The following IRAG1 variants were observed in gnomAD, a reference collection of about 807,000 sequenced individuals.
IRAG1 encodes the protein IP3R-associated cGMP kinase substrate.
A neutral mutation model predicts 106.2 loss-of-function variants in IRAG1; 62 were observed. That is an observed-to-expected ratio of 0.58 (90% CI 0.48 to 0.72). IRAG1 has a LOEUF of 0.72. Among genes scored for constraint, IRAG1 ranks in the 30% least tolerant of loss-of-function variants. The pLI is 0.00. For synonymous variants in IRAG1, 462 were observed against 443.9 expected (o/e 1.04, Z -0.51); for missense variants, 1,064 against 1,140.7 (o/e 0.93, Z 0.97).
At chr11:10,643,531 A>G (rs962369032) in intron 2 of IRAG1, among the ~76,000 whole-genome samples, 1 of 152,218 alleles carries the variant, frequency 6.6e-6, no homozygotes, top group African/African-American at 2.4e-5. Context: ...AGCACACAAT[A>G]TATGTTAGCT....
intron 1 of IRAG1, among the ~76,000 whole-genome samples, chr11:10,684,944 C>T (rs77820608): frequency 0.015 from 2,269 of 152,264 alleles, 58 homozygotes; most frequent in African/African-American, 0.051. Flanking sequence ...AAAGGCTTGT[C>T]CAAACTTCCC....
At chr11:10,635,314 C>T (rs771431805) in intron 2 of IRAG1, among the ~76,000 whole-genome samples, 28 of 152,226 alleles carry the variant, frequency 1.8e-4, no homozygotes, top group Non-Finnish European at 2.8e-4. Context: ...CCACTGCTCC[C>T]TCTGTGAGCA....
At chr11:10,581,344 G>C (rs1447969200) in intron 19 of IRAG1, among the ~76,000 whole-genome samples, 2 of 152,156 alleles carry the variant, frequency 1.3e-5, no homozygotes, top group Non-Finnish European at 1.5e-5. Flanking sequence ...CTACCTTGAG[G>C]CTTGGTACCT....
At chr11:10,686,000 T>A (rs1226028832) in intron 1 of IRAG1, among the ~76,000 whole-genome samples, 1 of 152,008 alleles carries the variant, frequency 6.6e-6, no homozygotes, top group African/African-American at 2.4e-5. Flanking sequence ...ACAAGAAAGA[T>A]GTCTTAGGTA....
intron 15 of IRAG1, among the ~76,000 whole-genome samples, chr11:10,594,910 A>G (rs1853109285): frequency 6.6e-6 from 1 of 152,078 alleles, no homozygotes. Context: ...ACATAGCCGT[A>G]TGTGTTTTTT....
intron 13 of IRAG1, among the ~76,000 whole-genome samples, chr11:10,603,607 G>A (rs1282203051): frequency 4.0e-5 from 6 of 151,828 alleles, no homozygotes; most frequent in African/African-American, 7.3e-5. Flanking sequence ...ACCGGTTTGC[G>A]GCCTGGCCCA....
intron 16 of IRAG1, 87 bp downstream of exon 16, chr11:10,594,059 A>G: frequency 7.9e-7 from 1 of 1,270,792 alleles, no homozygotes; most frequent in Non-Finnish European, 1.1e-6. Context: ...GCATCCATGG[A>G]TCCCAGAATG....
At chr11:10,603,784 A>G (rs1442332357) in intron 13 of IRAG1, among the ~76,000 whole-genome samples, 6 of 151,958 alleles carry the variant, frequency 3.9e-5, no homozygotes, top group Admixed American at 1.3e-4. Context: ...CTCTTATAAA[A>G]GGGACCCCAG....
At chr11:10,610,962 C>G (rs138463088) in intron 10 of IRAG1, among the ~76,000 whole-genome samples, 5 of 152,324 alleles carry the variant, frequency 3.3e-5, no homozygotes, top group African/African-American at 1.2e-4. Context: ...TTTCCAGGAT[C>G]CTAGGCTAGG....
chr11:10,681,442 G>C (rs1463886124), intron 1 of IRAG1, among the ~76,000 whole-genome samples: 1 of 152,168 alleles, frequency 6.6e-6, no homozygotes, highest in Non-Finnish European at 1.5e-5. Context: ...TGTCACCAAA[G>C]GACTTGAATG....
intron 10 of IRAG1, among the ~76,000 whole-genome samples, chr11:10,621,779 A>G (rs1159094593): frequency 2.0e-5 from 3 of 152,230 alleles, no homozygotes; most frequent in Non-Finnish European, 4.4e-5. Flanking sequence ...TTATTAATTA[A>G]GATTGAATTA....
In IRAG1 at chr11:10,654,608, A is replaced by G. The variant is rs1402169274; in HGVS notation, c.68-2426T>C. Among the ~76,000 whole-genome samples, 4 of 152,364 alleles carry G rather than the reference A, an allele frequency of 2.6e-5. No homozygotes were observed. In the South Asian group the frequency reaches 8.3e-4, roughly 32 times the overall value. ...AAGATAATCTTGGCCTTCAAGGAAC[A>G]TAGAGCCCAGTGGTAGGAGACGCTG... On this transcript the variant is annotated intron_variant, in intron 1 of 20. Coordinates refer to ENST00000423302, the MANE Select transcript of IRAG1 (RefSeq NM_130385.4).
In IRAG1 at chr11:10,658,192, C is replaced by T. The variant is rs374760425; in HGVS notation, c.68-6010G>A. ...CCTGGCCAACTGCAGAGCTGGGTTC[C>T]GCGACTCCACAAGTGAGCCGGATGG... is the stretch of plus-strand genomic sequence containing the variant. On this transcript the variant is annotated intron_variant, in intron 1 of 20. Coordinates refer to ENST00000423302, the MANE Select transcript of IRAG1 (RefSeq NM_130385.4). Among the ~76,000 whole-genome samples the T allele has an allele frequency of 2.4e-3, 371 of 152,290 alleles. 16 individuals carry two copies. In the South Asian group the frequency reaches 0.069, roughly 28 times the overall value.
chr11:10,645,944 G>T (rs1857906684), intron 2 of IRAG1, among the ~76,000 whole-genome samples: 1 of 152,178 alleles, frequency 6.6e-6, no homozygotes, highest in Non-Finnish European at 1.5e-5. Context: ...CTCCATAAAG[G>T]TTAGCTGTTG....
At position 10,574,327 on chromosome 11, in the gene IRAG1, G is replaced by A. The variant is rs1187448502; in HGVS notation, c.*2005C>T. The A allele has an allele frequency of 1.3e-5, 2 of 152,164 alleles. No individual in the cohort carries two copies. The highest frequency in any genetic ancestry group is 6.5e-5 in the Admixed American group (1 of 15,270). 9.4% of individuals were successfully genotyped at this position (152,164 alleles called of 1,614,324 possible). ...CAGGCTGCTCTCCACCACCTTAAAT[G>A]TTTGCTTGTTCTTTTGAGCAACATT... On this transcript the variant is annotated 3_prime_UTR_variant, in exon 21 of 21. Coordinates refer to ENST00000423302, the MANE Select transcript of IRAG1 (RefSeq NM_130385.4).
intron 10 of IRAG1, among the ~76,000 whole-genome samples, chr11:10,611,040 G>T (rs1435037631): frequency 6.6e-6 from 1 of 152,190 alleles, no homozygotes; most frequent in Non-Finnish European, 1.5e-5. Context: ...CATGTGAATA[G>T]AAAGAAGTCT....
chr11:10,637,734 G>C (rs1380938174), intron 2 of IRAG1, among the ~76,000 whole-genome samples: 4 of 152,022 alleles, frequency 2.6e-5, no homozygotes, highest in African/African-American at 9.7e-5. Context: ...CAGAGGCTGG[G>C]GTTTCCAGGG....
At chr11:10,584,950 A>T (rs1017795965) in intron 18 of IRAG1, among the ~76,000 whole-genome samples, 1 of 152,188 alleles carries the variant, frequency 6.6e-6, no homozygotes. Flanking sequence ...ACCTCCAAAT[A>T]TGACTCATAA....
At chr11:10,588,863 T>C (rs1405056962) in intron 18 of IRAG1, 2 of 152,250 alleles carry the variant, frequency 1.3e-5, no homozygotes, top group African/African-American at 4.8e-5. Flanking sequence ...TCTATGTGCC[T>C]GGCCCTTGGT....
Sources: allele counts gnomAD v4.1 joint callset (sites outside exome capture counted in the v4.1 genomes callset), GRCh38; gene constraint gnomAD v4.1.1; transcripts MANE v1.5; gene names NCBI Gene and HGNC (gene_info 2026-07-23, HGNC 2026-07-21).